The following STIMATE variants were observed in gnomAD, a reference collection of about 807,000 sequenced individuals.
STIMATE encodes store-operated calcium entry regulator STIMATE.
STIMATE carries 15 observed loss-of-function variants against 36.7 expected under a neutral mutation model. The observed-to-expected ratio is 0.41, with a 90% CI of 0.27 to 0.63. STIMATE has a LOEUF of 0.63. STIMATE is among the 20% of genes least tolerant of loss of function. STIMATE has a pLI of 0.32. For synonymous variants in STIMATE, 163 were observed against 162.3 expected (o/e 1.00, Z -0.03); for missense variants, 305 against 397.3 (o/e 0.77, Z 1.98).
At chr3:52,892,872 G>A (rs1381041715) in intron 1 of STIMATE, among the ~76,000 whole-genome samples, 2 of 152,106 alleles carry the variant, frequency 1.3e-5, no homozygotes, top group Non-Finnish European at 2.9e-5. Flanking sequence ...CGCTTATGGC[G>A]TGTTCTTGCC....
In STIMATE at chr3:52,882,786, T is replaced by G. The variant is rs951357359; in HGVS notation, c.160+14505A>C. On this transcript the variant is annotated intron_variant, in intron 1 of 7. Coordinates refer to ENST00000355083, the MANE Select transcript of STIMATE (RefSeq NM_198563.5). ...GAGGAGTCTGCTAACAAGGGCAGTT[T>G]GGACAAAAATGATGCCACGGAGGGG... Among the ~76,000 whole-genome samples, 109 of 152,270 alleles carry G rather than the reference T, an allele frequency of 7.2e-4. 1 individual carries two copies. Among genetic ancestry groups the G allele is most frequent in the African/African-American group, 2.6e-3 (106 of 41,544 alleles).
intron 1 of STIMATE, among the ~76,000 whole-genome samples, chr3:52,858,279 A>G (rs1701143983): frequency 6.6e-6 from 1 of 152,198 alleles, no homozygotes; most frequent in Non-Finnish European, 1.5e-5. Context: ...TAAGTTTAAT[A>G]TTTTTTGAAA....
chr3:52,876,456 T>C (rs1016962331), intron 1 of STIMATE, among the ~76,000 whole-genome samples: 4 of 152,218 alleles, frequency 2.6e-5, no homozygotes, highest in African/African-American at 9.6e-5. Context: ...AACACTTAAA[T>C]CTACAGTTGG....
chr3:52,865,237 G>A (rs1701284988), intron 1 of STIMATE, among the ~76,000 whole-genome samples: 3 of 152,172 alleles, frequency 2.0e-5, no homozygotes, highest in Admixed American at 2.0e-4. Flanking sequence ...GAGCCACGGT[G>A]CCCGACTGCC....
chr3:52,880,513 G>A (rs1347049040), intron 1 of STIMATE, among the ~76,000 whole-genome samples: 2 of 152,220 alleles, frequency 1.3e-5, no homozygotes, highest in African/African-American at 4.8e-5. Flanking sequence ...GAGAAAAGCA[G>A]GTGGCTGGGG....
intron 1 of STIMATE, among the ~76,000 whole-genome samples, chr3:52,891,406 C>T (rs1219678192): frequency 3.9e-5 from 6 of 152,198 alleles, no homozygotes; most frequent in Non-Finnish European, 8.8e-5. Flanking sequence ...GAAAAGAGGC[C>T]GGCTCCAGGG....
intron 6 of STIMATE, 64 bp downstream of exon 6, chr3:52,843,657 A>C (rs1161387457): frequency 6.2e-7 from 1 of 1,613,046 alleles, no homozygotes; most frequent in Non-Finnish European, 8.5e-7. Flanking sequence ...CAGACTCAGA[A>C]CTTTGGACAG....
At chr3:52,886,982 G>C (rs910387755) in intron 1 of STIMATE, among the ~76,000 whole-genome samples, 3 of 152,164 alleles carry the variant, frequency 2.0e-5, no homozygotes, top group Non-Finnish European at 4.4e-5. Flanking sequence ...AAAGTGTCAA[G>C]GCTAGGAAGG....
chr3:52,862,514 G>A (rs1701235285), intron 1 of STIMATE, among the ~76,000 whole-genome samples: 1 of 152,194 alleles, frequency 6.6e-6, no homozygotes, highest in Non-Finnish European at 1.5e-5. Flanking sequence ...CCTCATCTTA[G>A]AATCAAAGTA....
At chr3:52,891,075 TTTAAATAAAA>T (rs1298921892) in intron 1 of STIMATE, among the ~76,000 whole-genome samples, 2 of 46,218 alleles carry the variant, frequency 4.3e-5, no homozygotes, top group Non-Finnish European at 9.2e-5. Flanking sequence ...ACAATAATGC[TTTAAATAAAA>T]TTAAATAAAA....
chr3:52,886,874 C>CA (rs1242277943), intron 1 of STIMATE, among the ~76,000 whole-genome samples: 2 of 152,194 alleles, frequency 1.3e-5, no homozygotes, highest in African/African-American at 4.8e-5. Context: ...ATGCAGGCAG[C>CA]AGCCTGCCAA....
At chr3:52,850,275 C>CA (rs1410617222) in intron 3 of STIMATE, among the ~76,000 whole-genome samples, 3 of 152,004 alleles carry the variant, frequency 2.0e-5, no homozygotes, top group African/African-American at 7.2e-5. Flanking sequence ...ACTGAAAATA[C>CA]AAAAAAATTA....
intron 1 of STIMATE, among the ~76,000 whole-genome samples, chr3:52,877,242 T>C (rs891015001): frequency 6.6e-6 from 1 of 152,238 alleles, no homozygotes; most frequent in African/African-American, 2.4e-5. Flanking sequence ...AGCCCATGTT[T>C]ACCAAGAGTG....
intron 4 of STIMATE, chr3:52,847,147 C>T (rs749385171): frequency 7.6e-4 from 658 of 860,256 alleles, no homozygotes; most frequent in Non-Finnish European, 8.7e-4. Flanking sequence ...TGGGCTCAAG[C>T]GATCCTCCCC....
At chr3:52,897,179 G>A (rs891217146) in intron 1 of STIMATE, 112 bp downstream of exon 1, 29 of 1,368,950 alleles carry the variant, frequency 2.1e-5, no homozygotes, top group Non-Finnish European at 2.6e-5. Context: ...TTGCGGGGGA[G>A]GAGCAATTCG....
intron 1 of STIMATE, among the ~76,000 whole-genome samples, chr3:52,887,057 C>T (rs569369719): frequency 5.6e-4 from 85 of 152,250 alleles, no homozygotes; most frequent in African/African-American, 1.5e-3. Flanking sequence ...AATTAAATGT[C>T]AAGTGTGCCT....
At chr3:52,864,350 G>A (rs1377643232) in intron 1 of STIMATE, among the ~76,000 whole-genome samples, 1 of 152,224 alleles carries the variant, frequency 6.6e-6, no homozygotes, top group Non-Finnish European at 1.5e-5. Context: ...CACAGCCTGA[G>A]CTCTACATTG....
chr3:52,870,631 A>G (rs1396699916), intron 1 of STIMATE, among the ~76,000 whole-genome samples: 1 of 151,888 alleles, frequency 6.6e-6, no homozygotes, highest in African/African-American at 2.4e-5. Context: ...AAGTGAATGC[A>G]TGGTGTCCTG....
In STIMATE at chr3:52,844,870, AC is replaced by A; in HGVS notation, c.498del (p.Lys166AsnfsTer9). ...ATTAGGAGGACGATGAAGACGACAG[AC>A]TTTTCAAAAATCATGATCACGATGT... ...ALYIVIMIFE[K>X]SVVFIVLLIL... On this transcript the variant is annotated frameshift_variant, in exon 5 of 8. Coordinates refer to ENST00000355083, the MANE Select transcript of STIMATE (RefSeq NM_198563.5). LOFTEE classifies it high-confidence loss of function. 1 of 1,614,124 alleles carries A rather than the reference AC, an allele frequency of 6.2e-7. No homozygotes were observed. The highest frequency in any genetic ancestry group is 8.5e-7 in the Non-Finnish European group (1 of 1,180,014).
Sources: allele counts gnomAD v4.1 joint callset (sites outside exome capture counted in the v4.1 genomes callset), GRCh38; gene constraint gnomAD v4.1.1; transcripts MANE v1.5; gene names NCBI Gene and HGNC (gene_info 2026-07-23, HGNC 2026-07-21).